SSC5D: variants seen among roughly 807,000 people sequenced by gnomAD.
The protein encoded by SSC5D is soluble scavenger receptor cysteine-rich domain-containing protein SSC5D.
A neutral mutation model predicts 104.6 loss-of-function variants in SSC5D; 106 were observed. The ratio of observed to expected loss-of-function variants is 1.01; its 90% CI spans 0.87 to 1.19. SSC5D has a LOEUF of 1.19. Among genes scored for constraint, SSC5D ranks in the 50% most tolerant of loss-of-function variants. SSC5D has a pLI of 0.00. For missense variants in SSC5D, 1,993 were observed against 2,153.8 expected, an observed-to-expected ratio of 0.93 and a Z score of 1.48; for synonymous variants, 860 against 883.5, an observed-to-expected ratio of 0.97 and a Z score of 0.47.
At chr19:55,489,696 C>T (rs1987077686) in intron 3 of SSC5D, 34 bp downstream of exon 3, 1 of 1,521,924 alleles carries the variant, frequency 6.6e-7, no homozygotes, top group Non-Finnish European at 8.8e-7. Flanking sequence ...TCAGGGGGAG[C>T]TCCTTTGGAG....
Position 55,488,994 on chromosome 19 carries a change from C to T in SSC5D, c.26-12C>T. 4.2e-6 allele frequency: 6 copies of T among 1,429,398 alleles called. No individual in the cohort carries two copies. The highest frequency in any genetic ancestry group is 3.9e-5 in the South Asian group (3 of 76,654). The allele number at this position is 1,429,398 out of a possible 1,614,324, so 88.5% of individuals were successfully genotyped here. A position where few individuals can be genotyped will look rare whatever the true frequency, so the allele number is the denominator to read the frequency against. On this transcript the variant is annotated splice_polypyrimidine_tract_variant and intron_variant, in intron 1 of 13. Transcript: ENST00000389623. ...CCCCTCACACTGCCCCACCCTCCGCCCTCCCTTCCAGCGGCCCTGGTGGGG... is the reference window on the plus strand; with the variant it reads ...CCCCTCACACTGCCCCACCCTCCGCTCTCCCTTCCAGCGGCCCTGGTGGGG...
intron 8 of SSC5D, among the ~76,000 whole-genome samples, chr19:55,495,072 C>T (rs937554431): frequency 2.0e-5 from 3 of 151,286 alleles, no homozygotes; most frequent in Non-Finnish European, 2.9e-5. Flanking sequence ...CTGCTCTATT[C>T]CCAAGCTGCA....
chr19:55,489,058 G>GGCC, intron 2 of SSC5D, 26 bp downstream of exon 2: 1 of 1,203,774 alleles, frequency 8.3e-7, no homozygotes, highest in Non-Finnish European at 1.1e-6. Context: ...CCTCCCATCT[G>GGCC]CCCGCCCCCC....
chr19:55,507,869 G>C (rs1488195448), intron 12 of SSC5D, among the ~76,000 whole-genome samples: 1 of 151,968 alleles, frequency 6.6e-6, no homozygotes, highest in African/African-American at 2.4e-5. Context: ...GGGCCAGCGT[G>C]GATGCAGGGA....
At chr19:55,493,570 C>A (rs1032741913) in intron 6 of SSC5D, 25 bp from the exon 7 acceptor site, 7 of 1,412,178 alleles carry the variant, frequency 5.0e-6, no homozygotes, top group Non-Finnish European at 6.4e-6. Context: ...TTTCCTGGCC[C>A]TGTGCTCCCT....
At position 55,501,113 on chromosome 19, in the gene SSC5D, A is replaced by C; in HGVS notation, c.2697A>C (p.Thr899=). ...SREDLAKGTT[T]AGVPGHTLPW... ...AGGACCTGGCCAAGGGGACTACCAC[A>C]GCGGGGGTACCTGGACACACTCTCC... Residue 899 remains threonine (T), a synonymous_variant, in exon 12 of 14, where the codon ACA becomes ACC. Transcript: ENST00000389623. 1.3e-6 allele frequency: 2 copies of C among 1,551,612 alleles called. No individual in the cohort carries two copies. The highest frequency in any genetic ancestry group is 3.9e-5 in the Admixed American group (2 of 50,980).
intron 8 of SSC5D, among the ~76,000 whole-genome samples, chr19:55,495,233 A>ATATATATATATATATATTTTT (rs1555765051): frequency 5.9e-5 from 3 of 50,664 alleles, no homozygotes; most frequent in African/African-American, 2.9e-4. Flanking sequence ...ATATATATAT[A>ATATATATATATATATATTTTT]TTTTTTTTTT....
chr19:55,488,499 T>A lies in SSC5D; in HGVS notation c.-91T>A. ...GGGCCTGGGCGCCTCCAGCAGGCACTTCCCTCCCTCCCTCTCTCCCCAGCT... is the reference window on the plus strand; with the variant it reads ...GGGCCTGGGCGCCTCCAGCAGGCACATCCCTCCCTCCCTCTCTCCCCAGCT... On this transcript the variant is annotated 5_prime_UTR_variant, in exon 1 of 14. Coordinates refer to ENST00000389623, the MANE Select transcript of SSC5D (RefSeq NM_001144950.2). 1 of 1,219,362 alleles carries A rather than the reference T, an allele frequency of 8.2e-7. No homozygotes were observed. Among genetic ancestry groups the A allele is most frequent in the African/African-American group, 1.6e-5 (1 of 64,324 alleles). 75.5% of individuals were successfully genotyped at this position (1,219,362 alleles called of 1,614,324 possible). A position where few individuals can be genotyped will look rare whatever the true frequency, so the allele number is the denominator to read the frequency against.
chr19:55,513,118 G>A lies in SSC5D; in HGVS notation c.2893G>A (p.Gly965Ser), dbSNP rs374244246. The A allele has an allele frequency of 9.7e-6, 15 of 1,542,704 alleles. No homozygotes were observed. In the African/African-American group the frequency reaches 1.5e-4, roughly 16 times the overall value. ...CAAACTAGGACCAACTCTTGGGGCT[G>A]GCACCACCAGGAGCCCAGGCAGTCC... ...AGKLGPTLGA[G>S]TTRSPGSPPT... The change falls in exon 13 of 14, where the codon GGC (glycine) becomes AGC (serine). Residue 965 changes from glycine (G) to serine (S), a missense_variant. Physicochemically the swap from Gly to Ser is moderately conservative, Grantham distance 56. This residue lies in a region of SSC5D where 423 missense variants were observed against 409.2 expected (regional missense o/e 1.03). Coordinates refer to ENST00000389623, the MANE Select transcript of SSC5D (RefSeq NM_001144950.2).
chr19:55,514,359 T>A (rs1050788654), intron 13 of SSC5D, among the ~76,000 whole-genome samples: 1 of 146,796 alleles, frequency 6.8e-6, no homozygotes, highest in Non-Finnish European at 1.5e-5. Context: ...GAGCCGAGAT[T>A]GCGCCACTGC....
intron 13 of SSC5D, among the ~76,000 whole-genome samples, chr19:55,514,555 C>T (rs1181399695): frequency 2.8e-5 from 4 of 141,044 alleles, no homozygotes; most frequent in East Asian, 2.1e-4. Context: ...GAGCTGAGAT[C>T]GCACCACTGC....
chr19:55,495,234 T>TATATATATATATATATATATA lies in SSC5D; in HGVS notation c.1387+451_1387+452insATATATATATATATATATATA, dbSNP rs56232242. On this transcript the variant is annotated intron_variant, in intron 8 of 13. Coordinates refer to ENST00000389623, the MANE Select transcript of SSC5D (RefSeq NM_001144950.2). ...CTCCTTTCATATATATATATATATA[T>TATATATATATATATATATATA]TTTTTTTTTTTTTTTTTTTTTTTTT... 1.5e-3 allele frequency among the ~76,000 whole-genome samples: 33 copies of TATATATATATATATATATATA among 22,208 alleles called. 5 individuals are homozygous for TATATATATATATATATATATA. The highest frequency in any genetic ancestry group is 1.9e-3 in the East Asian group (1 of 528). The allele number at this position is 22,208 out of a possible 152,430, so 14.6% of individuals were successfully genotyped here.
intron 12 of SSC5D, among the ~76,000 whole-genome samples, chr19:55,501,889 G>A (rs1987513774): frequency 6.6e-6 from 1 of 152,082 alleles, no homozygotes. Context: ...CTTGCTGTTG[G>A]TCTCTTTTTT....
rs1987435076 is a variant in SSC5D, at chr19:55,500,050, C to T, written c.1940C>T (p.Pro647Leu). The T allele has an allele frequency of 9.7e-6, 15 of 1,551,648 alleles. 1 individual carries two copies. The highest frequency in any genetic ancestry group is 2.4e-5 in the South Asian group (2 of 84,056). ...CCAACCACTCAACCCCCAGTGATGC[C>T]AACCACGAAACACTCCAGGGCCCAA... ...KRPTTQPPVM[P>L]TTKHSRAQSP... The change falls in exon 10 of 14, where the codon CCA becomes CTA. Residue 647 changes from proline (P) to leucine (L), a missense_variant. This residue lies in a region of SSC5D where 1,101 missense variants were observed against 1,085.0 expected (regional missense o/e 1.01). Transcript: ENST00000389623. The surrounding 1 kb of genome is among the most constrained non-coding windows in gnomAD (Gnocchi z 4.6).
chr19:55,504,271 C>T, intron 12 of SSC5D: 1 of 1,503,088 alleles, frequency 6.7e-7, no homozygotes, highest in Non-Finnish European at 8.9e-7. Context: ...GGGACCCCTC[C>T]CGTAGGGTAG....
chr19:55,501,638 C>T (rs1356303263), intron 12 of SSC5D, among the ~76,000 whole-genome samples: 2 of 152,176 alleles, frequency 1.3e-5, no homozygotes, highest in Admixed American at 6.5e-5. Context: ...TGCAGCTTCT[C>T]TCCTTACCCT....
intron 13 of SSC5D, among the ~76,000 whole-genome samples, chr19:55,514,217 A>C (rs12974850): frequency 6.6e-6 from 1 of 151,102 alleles, no homozygotes; most frequent in East Asian, 2.0e-4. Context: ...CATCCTGGCT[A>C]ACACGGTGAA....
chr19:55,494,522 C>G, intron 7 of SSC5D, 88 bp from the exon 8 acceptor site: 1 of 1,371,156 alleles, frequency 7.3e-7, no homozygotes, highest in East Asian at 2.6e-5. Context: ...GCTGAGAGGA[C>G]TGAGGAAGGA....
rs776873244 is a variant in SSC5D at position 55,494,672 on chromosome 19, G to A, written c.1276G>A (p.Glu426Lys). The A allele has an allele frequency of 7.1e-6, 11 of 1,549,946 alleles. No individual in the cohort carries two copies. The African/African-American group carries it at 8.2e-5, about 12-fold the overall frequency. ...PTDSNNSTPR[E>K]AASRPPSTMT... is the part of the protein sequence containing the mutation. The stretch of plus-strand genomic sequence containing the variant: ...GGACAGCAACAACTCCACGCCCAGG[G>A]AGGCTGCCTCCAGGCCCCCGTCCAC... The change falls in exon 8 of 14, where the codon GAG (glutamate) becomes AAG (lysine). Residue 426 changes from glutamate to lysine, a missense_variant. Glu to Lys is a moderately conservative substitution (Grantham distance 56). Around this residue, in one of 6 missense-constraint regions of SSC5D, gnomAD observed 1,101 missense variants for 1,085.0 expected, o/e 1.01. Transcript: ENST00000389623.
Sources: allele counts gnomAD v4.1 joint callset (sites outside exome capture counted in the v4.1 genomes callset), GRCh38; gene constraint gnomAD v4.1.1; regional missense constraint gnomAD v4.1.1; non-coding constraint Gnocchi (gnomAD v3.1); transcripts MANE v1.5; gene names NCBI Gene and HGNC (gene_info 2026-07-23, HGNC 2026-07-21).